The following SCMH1 variants were observed in gnomAD, a reference collection of about 807,000 sequenced individuals.
SCMH1 encodes polycomb protein SCMH1.
A neutral mutation model predicts 70.8 loss-of-function variants in SCMH1; 37 were observed. The ratio of observed to expected loss-of-function variants is 0.52; its 90% CI spans 0.40 to 0.69. SCMH1 has a LOEUF of 0.69. Ranked by LOEUF, SCMH1 falls within the 30% of genes least tolerant of loss-of-function variation. The pLI, the probability that SCMH1 is intolerant of heterozygous loss-of-function variation, is 0.00. For synonymous variants in SCMH1, 292 were observed against 307.4 expected (o/e 0.95, Z 0.52); for missense variants, 607 against 827.3 (o/e 0.73, Z 3.27).
At chr1:41,103,218 A>G (rs1572138474) in intron 8 of SCMH1, among the ~76,000 whole-genome samples, 1 of 150,240 alleles carries the variant, frequency 6.7e-6, no homozygotes, top group Non-Finnish European at 1.5e-5. Flanking sequence ...TGAAACCTCC[A>G]CCTCCCAGGT....
chr1:41,089,212 A>T (rs1220997340), intron 8 of SCMH1, among the ~76,000 whole-genome samples: 1 of 152,188 alleles, frequency 6.6e-6, no homozygotes, highest in South Asian at 2.1e-4. Context: ...AATTTCCCTT[A>T]AACTTCTTGT....
At chr1:41,114,685 T>TC (rs1316867347) in intron 7 of SCMH1, among the ~76,000 whole-genome samples, 2 of 73,012 alleles carry the variant, frequency 2.7e-5, no homozygotes, top group African/African-American at 7.0e-5. Context: ...CTCTCTCTCT[T>TC]TCTTTTTTGG....
intron 1 of SCMH1, among the ~76,000 whole-genome samples, chr1:41,211,876 T>G (rs1657107482): frequency 6.6e-6 from 1 of 152,104 alleles, no homozygotes; most frequent in Non-Finnish European, 1.5e-5. Flanking sequence ...GGGACATGAA[T>G]GAAGCTGGAA....
chr1:41,121,374 A>C (rs1214271464), intron 6 of SCMH1, among the ~76,000 whole-genome samples: 1 of 152,230 alleles, frequency 6.6e-6, no homozygotes, highest in Non-Finnish European at 1.5e-5. Context: ...TCATCACATT[A>C]ATATCGTCAA....
At chr1:41,162,370 C>T (rs1218796307) in intron 2 of SCMH1, among the ~76,000 whole-genome samples, 1 of 152,160 alleles carries the variant, frequency 6.6e-6, no homozygotes, top group African/African-American at 2.4e-5. Context: ...GTGAGGCCCA[C>T]CTTCAGGCCA....
At chr1:41,151,998 A>G (rs544699488) in intron 4 of SCMH1, among the ~76,000 whole-genome samples, 1 of 152,208 alleles carries the variant, frequency 6.6e-6, no homozygotes, top group Non-Finnish European at 1.5e-5. Flanking sequence ...AGCTAATGGA[A>G]AACAGAATAG....
At chr1:41,081,329 T>C (rs991159045) in intron 8 of SCMH1, among the ~76,000 whole-genome samples, 1 of 152,202 alleles carries the variant, frequency 6.6e-6, no homozygotes, top group East Asian at 1.9e-4. Context: ...CTAGAGTCAA[T>C]GCAATTCCAA....
At chr1:41,092,779 T>C (rs374420706) in intron 8 of SCMH1, among the ~76,000 whole-genome samples, 12,545 of 152,174 alleles carry the variant, frequency 0.082, 703 homozygotes, top group South Asian at 0.15. Context: ...AAAATGCTCA[T>C]CATCACTGGC....
intron 10 of SCMH1, among the ~76,000 whole-genome samples, chr1:41,064,331 A>C (rs1363166678): frequency 6.6e-6 from 1 of 152,194 alleles, no homozygotes; most frequent in Non-Finnish European, 1.5e-5. Context: ...CAAAATCAGG[A>C]ACAAGACAAG....
chr1:41,241,358 T>C (rs1402443781), intron 1 of SCMH1, among the ~76,000 whole-genome samples: 1 of 152,236 alleles, frequency 6.6e-6, no homozygotes, highest in Non-Finnish European at 1.5e-5. Context: ...CCAGGGCCGC[T>C]GTGGCTCACT....
At chr1:41,034,109 A>G in intron 13 of SCMH1, 61 bp from the exon 14 acceptor site, 2 of 1,556,930 alleles carry the variant, frequency 1.3e-6, no homozygotes, top group Non-Finnish European at 1.7e-6. Context: ...CATTCTGCAT[A>G]TGAGGAAGAC....
intron 1 of SCMH1, among the ~76,000 whole-genome samples, chr1:41,238,732 G>A (rs796731367): frequency 1.8e-4 from 27 of 152,204 alleles, no homozygotes; most frequent in African/African-American, 3.9e-4. Flanking sequence ...CAGAGACCTC[G>A]CTGTCACCTA....
intron 12 of SCMH1, among the ~76,000 whole-genome samples, chr1:41,041,069 A>G (rs1292547390): frequency 6.6e-6 from 1 of 152,042 alleles, no homozygotes; most frequent in Non-Finnish European, 1.5e-5. Flanking sequence ...TTCCACTTCC[A>G]AGATACAAAG....
intron 8 of SCMH1, among the ~76,000 whole-genome samples, chr1:41,092,361 C>T (rs1663821428): frequency 1.3e-5 from 2 of 152,144 alleles, no homozygotes; most frequent in South Asian, 2.1e-4. Flanking sequence ...ACACCTTATA[C>T]AAAAATTAAT....
chr1:41,181,514 C>A (rs183416951), intron 2 of SCMH1, among the ~76,000 whole-genome samples: 6 of 152,284 alleles, frequency 3.9e-5, no homozygotes, highest in Admixed American at 3.9e-4. Context: ...AAAAAACACA[C>A]AACCCCATCA....
chr1:41,227,282 G>C (rs994348093), intron 1 of SCMH1, among the ~76,000 whole-genome samples: 9 of 152,156 alleles, frequency 5.9e-5, no homozygotes, highest in Admixed American at 1.3e-4. Context: ...TGCTCTGCCT[G>C]GGAGTGTCTT....
At position 41,048,687 on chromosome 1, in the gene SCMH1, T is replaced by C. The variant is rs1647134495; in HGVS notation, c.1306+3A>G. 2 of 1,613,496 alleles carry C rather than the reference T, an allele frequency of 1.2e-6. No homozygotes were observed. Among genetic ancestry groups the C allele is most frequent in the South Asian group, 1.1e-5 (1 of 91,026 alleles). On this transcript the variant is annotated splice_donor_region_variant and intron_variant, in intron 11 of 14. Transcript: ENST00000337495. ...GAGGCAATATGAGCCAAAGTGTGCTTACCTGAGATAACCTCACCACCATGG... is the reference window on the plus strand; with the variant it reads ...GAGGCAATATGAGCCAAAGTGTGCTCACCTGAGATAACCTCACCACCATGG...
chr1:41,107,856 C>T (rs1668384198), intron 8 of SCMH1, among the ~76,000 whole-genome samples: 1 of 152,122 alleles, frequency 6.6e-6, no homozygotes, highest in Non-Finnish European at 1.5e-5. Flanking sequence ...GCCCTAGAAT[C>T]CCAAAGTGAT....
At chr1:41,196,550 AT>A (rs1653067741) in intron 1 of SCMH1, among the ~76,000 whole-genome samples, 2 of 152,196 alleles carry the variant, frequency 1.3e-5, no homozygotes, top group South Asian at 4.1e-4. Flanking sequence ...TTAACTCAAA[AT>A]TTATCAATGA....
Sources: gnomAD v4.1 joint callset for allele counts (sites outside exome capture counted in the v4.1 genomes callset) on GRCh38, gnomAD v4.1.1 for gene constraint, MANE v1.5 for transcripts, NCBI Gene and HGNC (gene_info 2026-07-23, HGNC 2026-07-21) for gene names.